The following METTL2B variants were observed in gnomAD, a reference collection of about 807,000 sequenced individuals.
METTL2B encodes the protein tRNA N(3)-cytidine methyltransferase METTL2B.
METTL2B carries 28 observed loss-of-function variants against 51.0 expected under a neutral mutation model. The observed-to-expected ratio is 0.55, with a 90% confidence interval of 0.41 to 0.75. METTL2B has a LOEUF of 0.75. Among genes scored for constraint, METTL2B ranks in the 30% least tolerant of loss-of-function variants. The probability of loss-of-function intolerance (pLI) is 0.00; values close to 1 mark genes in which losing one functional copy is unlikely to be tolerated. For missense variants in METTL2B, 313 were observed against 460.7 expected (o/e 0.68, Z 2.93); for synonymous variants, 128 against 166.3 (o/e 0.77, Z 1.77).
In METTL2B at chr7:128,493,829, G is replaced by C. The variant is rs201069711; in HGVS notation, c.695G>C (p.Arg232Pro). ...VQTNSEYDPS[R>P]CFAFVHDLCD... is the part of the protein sequence containing the mutation. The stretch of plus-strand genomic sequence containing the variant: ...ACAAATTCAGAATATGATCCTTCTC[G>C]GTGTTTTGCCTTTGTTCACGACCTG... The change falls in exon 6 of 9, where the codon CGG (arginine) becomes CCG (proline). Residue 232 changes from arginine (R) to proline (P), a missense_variant. Coordinates refer to ENST00000262432, the MANE Select transcript of METTL2B (RefSeq NM_018396.3). The C allele has an allele frequency of 6.8e-6, 11 of 1,609,708 alleles. No individual in the cohort carries two copies. The highest frequency in any genetic ancestry group is 1.7e-5 in the Admixed American group (1 of 58,470).
chr7:128,491,761 C>CA (rs57526525), intron 5 of METTL2B, among the ~76,000 whole-genome samples: 64,299 of 114,444 alleles, frequency 0.56, 18,378 homozygotes, highest in East Asian at 0.61. Context: ...GACTCTGTCT[C>CA]AAAAAAAAAA....
chr7:128,478,526 G>A (rs901245002), intron 2 of METTL2B, among the ~76,000 whole-genome samples: 3 of 151,346 alleles, frequency 2.0e-5, no homozygotes, highest in Non-Finnish European at 4.4e-5. Context: ...TGGGATTACA[G>A]GCATGCGCCA....
chr7:128,494,921 GC>G (rs2116861795), intron 6 of METTL2B, among the ~76,000 whole-genome samples: 1 of 145,532 alleles, frequency 6.9e-6, no homozygotes, highest in African/African-American at 2.6e-5. Context: ...CACCACGCTG[GC>G]CTTTTTTTTG....
chr7:128,487,638 C>G (rs140213949), intron 4 of METTL2B, among the ~76,000 whole-genome samples: 160 of 152,296 alleles, frequency 1.1e-3, no homozygotes, highest in African/African-American at 3.6e-3. Flanking sequence ...ATAGTGGGCT[C>G]TCAGTAGTGT....
chr7:128,501,061 C>G, intron 8 of METTL2B, 93 bp downstream of exon 8: 1 of 1,582,196 alleles, frequency 6.3e-7, no homozygotes. Context: ...CCCCTCCTGC[C>G]TTTTAGGCAG....
rs542759579 is a variant in METTL2B at position 128,478,391 on chromosome 7, C to A, written c.203-767C>A. Among the ~76,000 whole-genome samples the A allele has an allele frequency of 5.9e-5, 9 of 151,676 alleles. No homozygotes were observed. The South Asian group carries it at 1.9e-3, about 32-fold the overall frequency. On this transcript the variant is annotated intron_variant, in intron 2 of 8. Transcript: ENST00000262432. Reference sequence around the variant, plus strand: ...TCAGCCTCCCGAGTAGCTGGGACTACAGGTGTGCACCACCATGCCTGGCTA... The same window carrying A: ...TCAGCCTCCCGAGTAGCTGGGACTAAAGGTGTGCACCACCATGCCTGGCTA...
chr7:128,487,666 G>A (rs955525305), intron 4 of METTL2B, among the ~76,000 whole-genome samples: 9 of 152,156 alleles, frequency 5.9e-5, no homozygotes, highest in African/African-American at 7.2e-5. Context: ...ACTAATAAGC[G>A]AAAGATGTAA....
chr7:128,488,999 C>T (rs1022929923), intron 5 of METTL2B, among the ~76,000 whole-genome samples: 9 of 152,122 alleles, frequency 5.9e-5, no homozygotes, highest in African/African-American at 2.2e-4. Context: ...GTAATTTCAG[C>T]TACTCAGGAG....
chr7:128,502,053 C>G lies in METTL2B; in HGVS notation c.*137C>G. 7.8e-7 allele frequency: 1 copy of G among 1,284,288 alleles called. No individual in the cohort carries two copies. The highest frequency in any genetic ancestry group is 2.4e-5 in the Admixed American group (1 of 41,000). The allele number at this position is 1,284,288 out of a possible 1,614,324, so 79.6% of individuals were successfully genotyped here. A position where few individuals can be genotyped will look rare whatever the true frequency, so the allele number is the denominator to read the frequency against. The stretch of plus-strand genomic sequence containing the variant: ...CTGAGGCAGGGAGGATCCATTGAGC[C>G]CAGGAGTCCAGCCTGGGCAAAATAG... On this transcript the variant is annotated 3_prime_UTR_variant, in exon 9 of 9. Transcript: ENST00000262432.
At chr7:128,482,730 C>T (rs377096955) in intron 4 of METTL2B, among the ~76,000 whole-genome samples, 73 of 152,236 alleles carry the variant, frequency 4.8e-4, no homozygotes, top group African/African-American at 1.7e-3. Context: ...GATGGGGTTT[C>T]GCCGTGTCGG....
At chr7:128,477,465 CTG>C (rs1563025809) in intron 2 of METTL2B, among the ~76,000 whole-genome samples, 1 of 152,122 alleles carries the variant, frequency 6.6e-6, no homozygotes, top group Non-Finnish European at 1.5e-5. Flanking sequence ...CCAATGACAA[CTG>C]TGTGGTCACG....
intron 4 of METTL2B, among the ~76,000 whole-genome samples, chr7:128,485,795 G>A (rs1792691890): frequency 6.6e-6 from 1 of 152,122 alleles, no homozygotes; most frequent in African/African-American, 2.4e-5. Context: ...CCAGGTGACA[G>A]AGCAAGACCC....
In METTL2B at chr7:128,498,071, T is replaced by C; in HGVS notation, c.845T>C (p.Leu282Pro). Residue 282 changes from leucine to proline, a missense_variant, in exon 7 of 9, where the codon CTG becomes CCG. Transcript: ENST00000262432. ...QKAINRLSRLLKPGGMVLLRD... is the reference protein window; with the variant it reads ...QKAINRLSRLPKPGGMVLLRD... Reference sequence around the variant, plus strand: ...GCTATCAACAGGCTGAGCAGGCTTCTGAAACCTGGGGGGATGGTACTTCTG... The same window carrying C: ...GCTATCAACAGGCTGAGCAGGCTTCCGAAACCTGGGGGGATGGTACTTCTG... 1 of 1,613,904 alleles carries C rather than the reference T, an allele frequency of 6.2e-7. No individual in the cohort carries two copies. The highest frequency in any genetic ancestry group is 8.5e-7 in the Non-Finnish European group (1 of 1,179,888).
Position 128,492,412 on chromosome 7 carries a change from C to T in METTL2B, c.670-1392C>T, listed in dbSNP as rs560209557. On this transcript the variant is annotated intron_variant, in intron 5 of 8. Coordinates refer to ENST00000262432, the MANE Select transcript of METTL2B (RefSeq NM_018396.3). The stretch of plus-strand genomic sequence containing the variant: ...ACCTCAGGTAATCCGCCCACCTCGA[C>T]CTCCCAAAGTGCTAGGATTACAGGC... Among the ~76,000 whole-genome samples the T allele has an allele frequency of 2.0e-5, 3 of 151,892 alleles. No homozygotes were observed. In the South Asian group the frequency reaches 6.3e-4, roughly 32 times the overall value.
chr7:128,498,048 TATCAACAGGCTG>T lies in METTL2B; in HGVS notation c.824_835del (p.Ile275_Leu278del). The T allele has an allele frequency of 6.2e-7, 1 of 1,613,796 alleles. No homozygotes were observed. Among genetic ancestry groups the T allele is most frequent in the East Asian group, 2.2e-5 (1 of 44,860 alleles). On this transcript the variant is annotated inframe_deletion, in exon 7 of 9. Transcript: ENST00000262432. ...TGTGTCTCCACAGGATGCAGAAGGC[TATCAACAGGCTG>T]AGCAGGCTTCTGAAACCTGGGGGGA...
intron 5 of METTL2B, among the ~76,000 whole-genome samples, chr7:128,491,714 C>G (rs1455232380): frequency 7.1e-6 from 1 of 140,964 alleles, no homozygotes; most frequent in Non-Finnish European, 1.5e-5. Context: ...TTGCAGTGAG[C>G]TGAGATCGCA....
chr7:128,481,480 T>C (rs536513212), intron 4 of METTL2B, among the ~76,000 whole-genome samples: 2 of 152,354 alleles, frequency 1.3e-5, no homozygotes, highest in East Asian at 3.9e-4. Context: ...ACACTTTACT[T>C]ACATTTATGT....
chr7:128,489,613 G>C (rs1000220334), intron 5 of METTL2B, among the ~76,000 whole-genome samples: 2 of 149,590 alleles, frequency 1.3e-5, no homozygotes, highest in African/African-American at 4.9e-5. Flanking sequence ...CTAAGGGCTG[G>C]GGTGACTGGC....
rs1240633988 is a variant in METTL2B at position 128,493,856 on chromosome 7, G to T, written c.722G>T (p.Cys241Phe). The change falls in exon 6 of 9, where the codon TGT becomes TTT. Residue 241 changes from cysteine (C) to phenylalanine (F), a missense_variant. This residue lies in a region of METTL2B where 138 missense variants were observed against 187.6 expected (regional missense o/e 0.74). Transcript: ENST00000262432. Reference protein sequence around the residue: ...SRCFAFVHDLCDEEKSYPVPK... With the variant: ...SRCFAFVHDLFDEEKSYPVPK... ...TGTTTTGCCTTTGTTCACGACCTGT[G>T]TGATGAAGAGAAGAGTTACCCAGTG... 2 of 1,612,828 alleles carry T rather than the reference G, an allele frequency of 1.2e-6. No homozygotes were observed. Among genetic ancestry groups the T allele is most frequent in the Non-Finnish European group, 1.7e-6 (2 of 1,179,728 alleles).
Sources: gnomAD v4.1 joint callset for allele counts (sites outside exome capture counted in the v4.1 genomes callset) on GRCh38, gnomAD v4.1.1 for gene constraint, gnomAD v4.1.1 regional missense constraint, MANE v1.5 for transcripts, NCBI Gene and HGNC (gene_info 2026-07-23, HGNC 2026-07-21) for gene names.